Variants in FSIP2 observed in about 807,000 individuals in gnomAD.
FSIP2 encodes the protein fibrous sheath interacting protein 2.
FSIP2 carries 367 observed loss-of-function variants against 510.5 expected under a neutral mutation model. The ratio of observed to expected loss-of-function variants is 0.72; its 90% CI spans 0.66 to 0.78. The LOEUF is 0.78. FSIP2 is among the 30% of genes least tolerant of loss of function. FSIP2 has a pLI of 0.00. For synonymous variants in FSIP2, 2,601 were observed against 2,732.2 expected, an observed-to-expected ratio of 0.95 and a Z score of 1.50; for missense variants, 7,594 against 7,901.7, an observed-to-expected ratio of 0.96 and a Z score of 1.48.
At position 185,826,865 on chromosome 2, in the gene FSIP2, G is replaced by A. The variant is rs188084837; in HGVS notation, c.20474-1291G>A. ...AAGTTGAGATGTCACGTAAGCAATTGGATATTTAAGTCTGAAATTCAATGG... is the reference window on the plus strand; with the variant it reads ...AAGTTGAGATGTCACGTAAGCAATTAGATATTTAAGTCTGAAATTCAATGG... On this transcript the variant is annotated intron_variant, in intron 20 of 22. Transcript: ENST00000424728. Among the ~76,000 whole-genome samples, 221 of 151,762 alleles carry A rather than the reference G, an allele frequency of 1.5e-3. 1 individual carries two copies. Among genetic ancestry groups the A allele is most frequent in the Non-Finnish European group, 2.4e-3 (163 of 67,816 alleles).
At position 185,791,031 on chromosome 2, in the gene FSIP2, G is replaced by A. The variant is rs771232709; in HGVS notation, c.3895G>A (p.Val1299Ile). 2 of 1,531,950 alleles carry A rather than the reference G, an allele frequency of 1.3e-6. No individual in the cohort carries two copies. Among genetic ancestry groups the A allele is most frequent in the Non-Finnish European group, 8.7e-7 (1 of 1,144,474 alleles). 94.9% of individuals were successfully genotyped at this position (1,531,950 alleles called of 1,614,324 possible). A position where few individuals can be genotyped will look rare whatever the true frequency, so the allele number is the denominator to read the frequency against. The change falls in exon 16 of 23, where the codon GTA becomes ATA. Residue 1299 changes from valine to isoleucine, a missense_variant. Physicochemically the swap from Val to Ile is conservative, Grantham distance 29. Transcript: ENST00000424728. ...SQLSKYTAKIVNIVLCAIQNE... is the reference protein window; with the variant it reads ...SQLSKYTAKIINIVLCAIQNE... ...ACTTAGTAAGTACACAGCTAAAATAGTAAACATTGTTTTATGTGCTATCCA... is the reference window on the plus strand; with the variant it reads ...ACTTAGTAAGTACACAGCTAAAATAATAAACATTGTTTTATGTGCTATCCA...
chr2:185,800,057 C>T lies in FSIP2; in HGVS notation c.10751C>T (p.Ala3584Val). Residue 3584 changes from alanine (A) to valine (V), a missense_variant, in exon 17 of 23, where the codon GCC (alanine) becomes GTC (valine). Transcript: ENST00000424728. The stretch of plus-strand genomic sequence containing the variant: ...GCTGACATTGCACAGAAAATGGTTG[C>T]CATACCTACAAAATACACTTACTGT... ...IQADIAQKMV[A>V]IPTKYTYCPG... is the part of the protein sequence containing the mutation. 5 of 1,530,526 alleles carry T rather than the reference C, an allele frequency of 3.3e-6. No homozygotes were observed. Among genetic ancestry groups the T allele is most frequent in the Middle Eastern group, 1.7e-4 (1 of 5,968 alleles). The allele number at this position is 1,530,526 out of a possible 1,614,324, so 94.8% of individuals were successfully genotyped here. A position where few individuals can be genotyped will look rare whatever the true frequency, so the allele number is the denominator to read the frequency against.
At chr2:185,765,074 G>A (rs542071709) in intron 13 of FSIP2, 1 of 151,962 alleles carries the variant, frequency 6.6e-6, no homozygotes, top group South Asian at 2.1e-4. Context: ...TATATTGACG[G>A]TACAGATGGT....
At position 185,794,420 on chromosome 2, in the gene FSIP2, A is replaced by G. The variant is rs988433198; in HGVS notation, c.7284A>G (p.Ile2428Met). 5.9e-6 allele frequency: 9 copies of G among 1,516,198 alleles called. No homozygotes were observed. In the African/African-American group the frequency reaches 1.3e-4, roughly 21 times the overall value. 93.9% of individuals were successfully genotyped at this position (1,516,198 alleles called of 1,614,324 possible). A position where few individuals can be genotyped will look rare whatever the true frequency, so the allele number is the denominator to read the frequency against. Residue 2428 changes from isoleucine (I) to methionine (M), a missense_variant, in exon 16 of 23, where the codon ATA becomes ATG. Ile to Met is a conservative substitution (Grantham distance 10). Coordinates refer to ENST00000424728, the MANE Select transcript of FSIP2 (RefSeq NM_173651.4). ...CACAATTAGCTTTATCAAATGAAAT[A>G]TTGCTGGGTCACAAAGAGAAGGAAA... ...NFSQLALSNE[I>M]LLGHKEKERS...
At chr2:185,813,240 A>G (rs939335570) in intron 17 of FSIP2, among the ~76,000 whole-genome samples, 9 of 152,002 alleles carry the variant, frequency 5.9e-5, no homozygotes, top group African/African-American at 1.9e-4. Context: ...CTGTCACAAA[A>G]CTTTCAAGGT....
upstream of FSIP2, chr2:185,738,382 A>G (rs954653915): frequency 1.1e-5 from 6 of 532,104 alleles, no homozygotes; most frequent in African/African-American, 1.9e-5. Flanking sequence ...GGAGGAAGGC[A>G]ATGAGCCCCT....
intron 21 of FSIP2, among the ~76,000 whole-genome samples, chr2:185,830,083 AG>A (rs1171297484): frequency 6.6e-6 from 1 of 151,862 alleles, no homozygotes; most frequent in Non-Finnish European, 1.5e-5. Flanking sequence ...CATGAGAGGC[AG>A]GGTAGGATGT....
At chr2:185,757,974 AT>A (rs1333465477) in intron 9 of FSIP2, among the ~76,000 whole-genome samples, 3 of 151,072 alleles carry the variant, frequency 2.0e-5, no homozygotes, top group Non-Finnish European at 4.4e-5. Flanking sequence ...ATAATCCCAG[AT>A]TACCTCTGGG....
chr2:185,753,839 C>A lies in FSIP2; in HGVS notation c.988C>A (p.His330Asn). 1 of 1,460,356 alleles carries A rather than the reference C, an allele frequency of 6.8e-7. No homozygotes were observed. Among genetic ancestry groups the A allele is most frequent in the Non-Finnish European group, 9.0e-7 (1 of 1,112,254 alleles). 90.5% of individuals were successfully genotyped at this position (1,460,356 alleles called of 1,614,324 possible). Residue 330 changes from histidine (H) to asparagine (N), a missense_variant, in exon 8 of 23, where the codon CAT (histidine) becomes AAT (asparagine). By Grantham distance (68) the His-to-Asn change is moderately conservative (BLOSUM62 1). Transcript: ENST00000424728. ...TFKYRGQDGT[H>N]ASPKNKKKTS... ...TAAATACAGAGGTCAAGATGGAACA[C>A]ATGGTGAATGTGAGAACATTAAAAG...
intron 9 of FSIP2, among the ~76,000 whole-genome samples, chr2:185,757,789 T>G (rs991426167): frequency 1.3e-5 from 2 of 151,362 alleles, no homozygotes; most frequent in African/African-American, 4.8e-5. Flanking sequence ...CTCAAGGCAT[T>G]TATTTTGGTT....
intron 6 of FSIP2, 111 bp from the exon 7 acceptor site, chr2:185,747,202 C>A: frequency 1.6e-6 from 1 of 615,466 alleles, no homozygotes; most frequent in Non-Finnish European, 2.9e-6. Context: ...TATGCTTAAC[C>A]TGATTTCTGT....
chr2:185,828,550 G>A (rs560275001), intron 21 of FSIP2, among the ~76,000 whole-genome samples: 1 of 151,980 alleles, frequency 6.6e-6, no homozygotes, highest in Admixed American at 6.6e-5. Flanking sequence ...TACCTAGGAT[G>A]AGTAGACTCA....
Position 185,796,652 on chromosome 2 carries a change from G to A in FSIP2, c.9516G>A (p.Lys3172=). ...TNMKMFTSKL[K]EGSLGINPSQ... is the part of the protein sequence containing the mutation. ...TGAAAATGTTCACATCAAAGTTAAA[G>A]GAAGGTAGTTTGGGGATTAATCCTT... Residue 3172 remains lysine, a synonymous_variant, in exon 16 of 23, where the codon AAG becomes AAA. Coordinates refer to ENST00000424728, the MANE Select transcript of FSIP2 (RefSeq NM_173651.4). 6.5e-7 allele frequency: 1 copy of A among 1,535,084 alleles called. No homozygotes were observed. Among genetic ancestry groups the A allele is most frequent in the Non-Finnish European group, 8.7e-7 (1 of 1,146,258 alleles).
chr2:185,741,241 A>AT (rs1406040815), intron 2 of FSIP2, among the ~76,000 whole-genome samples: 14 of 151,236 alleles, frequency 9.3e-5, no homozygotes, highest in Admixed American at 7.9e-4. Context: ...AAGATGTTCT[A>AT]TTTTTTATTA....
At chr2:185,831,937 T>G (rs1694116619) in intron 22 of FSIP2, 55 bp downstream of exon 22, 1 of 1,084,720 alleles carries the variant, frequency 9.2e-7, no homozygotes, top group Non-Finnish European at 1.4e-6. Context: ...ATTGCATCAT[T>G]TTGAATTTAG....
At chr2:185,785,374 A>C (rs1692947109) in intron 14 of FSIP2, among the ~76,000 whole-genome samples, 1 of 152,026 alleles carries the variant, frequency 6.6e-6, no homozygotes, top group Non-Finnish European at 1.5e-5. Context: ...TTCTGCCAAA[A>C]TACAGGATAT....
intron 2 of FSIP2, among the ~76,000 whole-genome samples, chr2:185,741,663 C>A (rs757416588): frequency 5.3e-5 from 8 of 152,164 alleles, no homozygotes; most frequent in African/African-American, 9.7e-5. Flanking sequence ...TTTACGAGTT[C>A]TTTCTTTGCC....
At chr2:185,747,463 A>G in intron 7 of FSIP2, 40 bp downstream of exon 7, 1 of 1,189,840 alleles carries the variant, frequency 8.4e-7, no homozygotes, top group Non-Finnish European at 1.2e-6. Flanking sequence ...CTGTTCGAAG[A>G]GAAGATTTTG....
In FSIP2 at chr2:185,794,450, T is replaced by C; in HGVS notation, c.7314T>C (p.Ser2438=). ...TGGGTCACAAAGAGAAGGAAAGAAGTACCAAACAATCTCTATTTACAAAGT... is the reference window on the plus strand; with the variant it reads ...TGGGTCACAAAGAGAAGGAAAGAAGCACCAAACAATCTCTATTTACAAAGT... The part of the protein sequence containing the change: ...ILLGHKEKER[S]TKQSLFTKYP... The change falls in exon 16 of 23, where the codon AGT becomes AGC. Residue 2438 remains serine, a synonymous_variant. Coordinates refer to ENST00000424728, the MANE Select transcript of FSIP2 (RefSeq NM_173651.4). The C allele has an allele frequency of 2.7e-6, 4 of 1,508,714 alleles. No individual in the cohort carries two copies. Among genetic ancestry groups the C allele is most frequent in the Non-Finnish European group, 3.5e-6 (4 of 1,135,596 alleles). The allele number at this position is 1,508,714 out of a possible 1,614,324, so 93.5% of individuals were successfully genotyped here. A position where few individuals can be genotyped will look rare whatever the true frequency, so the allele number is the denominator to read the frequency against.
Sources: gnomAD v4.1 joint callset for allele counts (sites outside exome capture counted in the v4.1 genomes callset) on GRCh38, gnomAD v4.1.1 for gene constraint, MANE v1.5 for transcripts, NCBI Gene and HGNC (gene_info 2026-07-23, HGNC 2026-07-21) for gene names.